POLR3A: variants seen among roughly 807,000 people sequenced by gnomAD.
POLR3A encodes the protein DNA-directed RNA polymerase III subunit RPC1.
In POLR3A, 112 loss-of-function variants were observed where a neutral mutation model predicts 152.8. That is an observed-to-expected ratio of 0.73 (90% CI 0.63 to 0.86). The LOEUF is 0.86. POLR3A is among the 40% of genes least tolerant of loss of function. The probability of loss-of-function intolerance (pLI) is 0.00; values close to 1 mark genes in which losing one functional copy is unlikely to be tolerated. For missense variants in POLR3A, 1,385 were observed against 1,743.1 expected, an observed-to-expected ratio of 0.79 and a Z score of 3.66; for synonymous variants, 615 against 652.1, an observed-to-expected ratio of 0.94 and a Z score of 0.87.
chr10:78,022,428 T>C, intron 5 of POLR3A, 44 bp from the exon 6 acceptor site: 1 of 1,605,830 alleles, frequency 6.2e-7, no homozygotes, highest in Non-Finnish European at 8.5e-7. Flanking sequence ...CTATGTTAGT[T>C]TTCCATAGCT....
At position 77,984,225 on chromosome 10, in the gene POLR3A, C is replaced by G; in HGVS notation, c.3316G>C (p.Glu1106Gln). The G allele has an allele frequency of 2.5e-6, 4 of 1,610,038 alleles. No homozygotes were observed. The highest frequency in any genetic ancestry group is 1.7e-6 in the Non-Finnish European group (2 of 1,176,486). The change falls in exon 25 of 31, where the codon GAG becomes CAG. Residue 1106 changes from glutamate (E) to glutamine (Q), a missense_variant. By Grantham distance (29) the Glu-to-Gln change is conservative. Coordinates refer to ENST00000372371, the MANE Select transcript of POLR3A (RefSeq NM_007055.4). ...CTTACCTCTCCCAAGAGGGTTTTCT[C>G]AATTCTCCCTTTCACGAGGCGAGCA... ...DYARLVKGRIEKTLLGEISEY... is the reference protein window; with the variant it reads ...DYARLVKGRIQKTLLGEISEY...
chr10:78,003,237 T>C (rs1186808850), intron 16 of POLR3A, among the ~76,000 whole-genome samples: 1 of 152,200 alleles, frequency 6.6e-6, no homozygotes, highest in Non-Finnish European at 1.5e-5. Flanking sequence ...GGGATATCCT[T>C]TTCTCTCTCT....
chr10:77,982,279 T>G lies in POLR3A; in HGVS notation c.3634A>C (p.Ile1212Leu). 1 of 1,613,882 alleles carries G rather than the reference T, an allele frequency of 6.2e-7. No individual in the cohort carries two copies. Among genetic ancestry groups the G allele is most frequent in the Non-Finnish European group, 8.5e-7 (1 of 1,179,902 alleles). ...QGIPEVSRAV[I>L]HIDEQSGKEK... is the part of the protein sequence containing the mutation. ...TTTCCACTCTGCTCGTCAATGTGGA[T>G]GACAGCTCTGGACACCTCTGGAATG... The change falls in exon 28 of 31, where the codon ATC becomes CTC. Residue 1212 changes from isoleucine to leucine, a missense_variant. By Grantham distance (5) the Ile-to-Leu change is conservative (BLOSUM62 2). This residue lies in a region of POLR3A where 332 missense variants were observed against 400.1 expected (regional missense o/e 0.83). Transcript: ENST00000372371.
At chr10:78,008,563 A>G (rs1473565319) in intron 14 of POLR3A, among the ~76,000 whole-genome samples, 1 of 152,186 alleles carries the variant, frequency 6.6e-6, no homozygotes, top group African/African-American at 2.4e-5. Context: ...TGCTACTCAA[A>G]CTAGGCTGCT....
rs1847086630 is a variant in POLR3A, at chr10:77,976,115, T to C, written c.*1363A>G. On this transcript the variant is annotated 3_prime_UTR_variant, in exon 31 of 31. Transcript: ENST00000372371. ...ATAATTTTTTATAAAAACTAATTTT[T>C]TTTTACGCTTAATTTTTTTCTTTTT... The C allele has an allele frequency of 6.6e-6, 1 of 152,020 alleles. No individual in the cohort carries two copies. The highest frequency in any genetic ancestry group is 1.5e-5 in the Non-Finnish European group (1 of 68,024). The allele number at this position is 152,020 out of a possible 1,614,324, so 9.4% of individuals were successfully genotyped here.
rs36050560 is a variant in POLR3A, at chr10:78,006,395, C to CAAAA, written c.2074+1303_2074+1306dup. Among the ~76,000 whole-genome samples the CAAAA allele has an allele frequency of 4.1e-4, 9 of 21,942 alleles. 1 individual carries two copies. Among genetic ancestry groups the CAAAA allele is most frequent in the East Asian group, 1.5e-3 (1 of 670 alleles). The allele number at this position is 21,942 out of a possible 152,430, so 14.4% of individuals were successfully genotyped here. A position where few individuals can be genotyped will look rare whatever the true frequency, so the allele number is the denominator to read the frequency against. On this transcript the variant is annotated intron_variant, in intron 15 of 30. Coordinates refer to ENST00000372371, the MANE Select transcript of POLR3A (RefSeq NM_007055.4). ...CTGGCGACTGAGCAAGACTCTGTCT[C>CAAAA]AAAAAAAAAAAAAAAAAAAAAAAAA...
In POLR3A at chr10:78,022,339, G is replaced by C. The variant is rs1425388356; in HGVS notation, c.691C>G (p.Pro231Ala). 2 of 1,613,984 alleles carry C rather than the reference G, an allele frequency of 1.2e-6. No individual in the cohort carries two copies. Among genetic ancestry groups the C allele is most frequent in the East Asian group, 2.2e-5 (1 of 44,866 alleles). ...AGAAGTAGAGGAACATCTTCAGCTG[G>C]GATTCGTTTAAATAAATTCAGAACT... ...LVVLNLFKRI[P>A]AEDVPLLLMN... Residue 231 changes from proline (P) to alanine (A), a missense_variant, in exon 6 of 31, where the codon CCA becomes GCA. Coordinates refer to ENST00000372371, the MANE Select transcript of POLR3A (RefSeq NM_007055.4).
chr10:77,990,479 C>T (rs1304817313), intron 21 of POLR3A, among the ~76,000 whole-genome samples: 2 of 152,104 alleles, frequency 1.3e-5, no homozygotes, highest in African/African-American at 4.8e-5. Context: ...CATTTTTCTT[C>T]TAACAGGGGA....
intron 19 of POLR3A, 35 bp downstream of exon 19, chr10:77,999,946 C>T (rs1322190634): frequency 3.1e-6 from 5 of 1,608,896 alleles, no homozygotes; most frequent in African/African-American, 1.3e-5. Context: ...CTCTGTCCTG[C>T]TCTGTTGCTA....
chr10:78,027,816 C>T (rs1206789757), intron 1 of POLR3A, among the ~76,000 whole-genome samples: 1 of 152,170 alleles, frequency 6.6e-6, no homozygotes, highest in African/African-American at 2.4e-5. Context: ...CATGGCCTCC[C>T]AAAGTGCTGG....
In POLR3A at chr10:77,993,322, G is replaced by A. The variant is rs752264933; in HGVS notation, c.2662C>T (p.Leu888=). The change falls in exon 20 of 31, where the codon CTG becomes TTG. Residue 888 remains leucine, a synonymous_variant. Transcript: ENST00000372371. ...SLEDLCSQYD[L]TVRSSTGDII... is the part of the protein sequence containing the mutation. ...TCGCCAGTAGAGCTTCGGACTGTCA[G>A]ATCATACTGGGAGCAAAGATCTTCA... is the stretch of plus-strand genomic sequence containing the variant. 2 of 1,613,436 alleles carry A rather than the reference G, an allele frequency of 1.2e-6. No individual in the cohort carries two copies. The highest frequency in any genetic ancestry group is 2.2e-5 in the South Asian group (2 of 91,066).
chr10:77,990,917 TC>T, intron 21 of POLR3A, 136 bp downstream of exon 21: 1 of 672,436 alleles, frequency 1.5e-6, no homozygotes, highest in East Asian at 2.8e-5. Flanking sequence ...CCTGGCCCAT[TC>T]TTGAACTTTC....
chr10:78,017,899 C>T (rs1009940390), intron 9 of POLR3A, among the ~76,000 whole-genome samples, 183 bp from the exon 10 acceptor site: 2 of 151,886 alleles, frequency 1.3e-5, no homozygotes, highest in East Asian at 3.9e-4. Flanking sequence ...ACAGGGTGGG[C>T]GAGGTGACTC....
chr10:78,008,328 A>G (rs1847430775), intron 14 of POLR3A, among the ~76,000 whole-genome samples: 1 of 152,234 alleles, frequency 6.6e-6, no homozygotes, highest in Non-Finnish European at 1.5e-5. Flanking sequence ...AAAAGAAACA[A>G]AACAGTCTAA....
At chr10:78,014,420 A>AC (rs1162314821) in intron 10 of POLR3A, among the ~76,000 whole-genome samples, 1 of 151,912 alleles carries the variant, frequency 6.6e-6, no homozygotes. Flanking sequence ...CTGAGCACTA[A>AC]CCCCCTTTTT....
intron 19 of POLR3A, among the ~76,000 whole-genome samples, chr10:77,995,441 G>C (rs1415580706): frequency 6.6e-6 from 1 of 152,082 alleles, no homozygotes; most frequent in Non-Finnish European, 1.5e-5. Context: ...ACACACATAG[G>C]CTCAAAATAA....
At chr10:78,009,259 AG>A (rs1847441369) in intron 14 of POLR3A, among the ~76,000 whole-genome samples, 2 of 152,052 alleles carry the variant, frequency 1.3e-5, no homozygotes, top group Admixed American at 1.3e-4. Flanking sequence ...CAAACTACTA[AG>A]TGAGAAAAAC....
chr10:78,010,073 T>C (rs569704835), intron 12 of POLR3A, 82 bp from the exon 13 acceptor site: 239 of 1,554,720 alleles, frequency 1.5e-4, no homozygotes, highest in Non-Finnish European at 1.9e-4. Context: ...TAAAATAAAT[T>C]TGAACCATGA....
At chr10:78,027,964 T>C (rs1183332652) in intron 1 of POLR3A, among the ~76,000 whole-genome samples, 1 of 152,146 alleles carries the variant, frequency 6.6e-6, no homozygotes, top group Non-Finnish European at 1.5e-5. Flanking sequence ...GGTGTACAGG[T>C]GGGTGTGAAG....
Sources: gnomAD v4.1 joint callset for allele counts (sites outside exome capture counted in the v4.1 genomes callset) on GRCh38, gnomAD v4.1.1 for gene constraint, gnomAD v4.1.1 regional missense constraint, MANE v1.5 for transcripts, NCBI Gene and HGNC (gene_info 2026-07-23, HGNC 2026-07-21) for gene names.